The following DIP2C variants were observed in gnomAD, a reference collection of about 807,000 sequenced individuals.
DIP2C encodes the protein disco-interacting protein 2 homolog C.
A neutral mutation model predicts 192.4 loss-of-function variants in DIP2C; 33 were observed. The ratio of observed to expected loss-of-function variants is 0.17; its 90% CI spans 0.13 to 0.23. The LOEUF is 0.23. Among genes scored for constraint, DIP2C ranks in the 10% least tolerant of loss-of-function variants. The probability of loss-of-function intolerance (pLI) is 1.00; values close to 1 mark genes in which losing one functional copy is unlikely to be tolerated. For missense variants in DIP2C, 1,537 were observed against 2,110.1 expected (o/e 0.73, Z 5.32); for synonymous variants, 979 against 864.1 (o/e 1.13, Z -2.33).
intron 1 of DIP2C, among the ~76,000 whole-genome samples, chr10:538,040 C>A (rs1227482848): frequency 1.3e-5 from 2 of 151,080 alleles, no homozygotes; most frequent in Non-Finnish European, 3.0e-5. Flanking sequence ...TCTGCTGCCT[C>A]GGCCTCCCAA....
In DIP2C at chr10:466,337, T is replaced by A. The variant is rs1250189708; in HGVS notation, c.268+6102A>T. ...GTGCTGGGAAAACTGGCTAGCCATA[T>A]GTAGAAAGCTGAAACTGGATCCCTT... On this transcript the variant is annotated intron_variant, in intron 3 of 36. Transcript: ENST00000280886. Among the ~76,000 whole-genome samples the A allele has an allele frequency of 3.5e-5, 5 of 140,908 alleles. 1 individual carries two copies. The Admixed American group carries it at 3.7e-4, about 10-fold the overall frequency. 92.4% of individuals were successfully genotyped at this position (140,908 alleles called of 152,430 possible).
intron 32 of DIP2C, among the ~76,000 whole-genome samples, chr10:307,492 G>T (rs1322494744): frequency 6.6e-6 from 1 of 152,146 alleles, no homozygotes; most frequent in Non-Finnish European, 1.5e-5. Context: ...AAGGCCCCTG[G>T]GGCCACACTC....
intron 29 of DIP2C, among the ~76,000 whole-genome samples, chr10:336,236 T>C (rs1957762793): frequency 6.6e-6 from 1 of 152,058 alleles, no homozygotes. Flanking sequence ...ATCCCTGAGG[T>C]CCCAGGATAG....
chr10:378,974 T>C (rs1339178565), intron 17 of DIP2C, among the ~76,000 whole-genome samples: 3 of 152,220 alleles, frequency 2.0e-5, no homozygotes, highest in Non-Finnish European at 4.4e-5. Flanking sequence ...CGACTCATGT[T>C]TTTAAAGACT....
chr10:650,410 G>A, intron 1 of DIP2C: 1 of 714,982 alleles, frequency 1.4e-6, no homozygotes, highest in Non-Finnish European at 2.6e-6. Flanking sequence ...ACCAACACGA[G>A]AAGAACGCAG....
Position 661,103 on chromosome 10 carries a change from C to T in DIP2C, c.85+28391G>A, listed in dbSNP as rs556529847. On this transcript the variant is annotated intron_variant, in intron 1 of 36. Transcript: ENST00000280886. ...CACTAGAATTAGCCATTGACAGTAA[C>T]CCTGAGTCAACACGCACAGTGTTGG... Among the ~76,000 whole-genome samples the T allele has an allele frequency of 2.0e-5, 3 of 152,334 alleles. No individual in the cohort carries two copies. The East Asian group carries it at 5.8e-4, about 29-fold the overall frequency.
rs531724670 is a variant in DIP2C, at chr10:611,170, T to C, written c.85+78324A>G. Among the ~76,000 whole-genome samples the C allele has an allele frequency of 2.7e-5, 4 of 149,362 alleles. No individual in the cohort carries two copies. The South Asian group carries it at 8.9e-4, about 33-fold the overall frequency. ...TCATGATAGTTCTCATGAGATCTGG[T>C]TGTTTGAAAGTGCATGGCACCTTCC... On this transcript the variant is annotated intron_variant, in intron 1 of 36. Coordinates refer to ENST00000280886, the MANE Select transcript of DIP2C (RefSeq NM_014974.3).
At chr10:455,335 G>C (rs1426697380) in intron 3 of DIP2C, among the ~76,000 whole-genome samples, 1 of 142,632 alleles carries the variant, frequency 7.0e-6, no homozygotes, top group African/African-American at 2.6e-5. Flanking sequence ...AGACCGTGAG[G>C]AATAAATGAG....
intron 1 of DIP2C, among the ~76,000 whole-genome samples, chr10:617,417 A>C (rs1019404338): frequency 1.3e-5 from 2 of 152,104 alleles, no homozygotes; most frequent in African/African-American, 4.8e-5. Flanking sequence ...GTGGCTGTGG[A>C]GACTGAGACC....
At position 597,534 on chromosome 10, in the gene DIP2C, G is replaced by T. The variant is rs183253360; in HGVS notation, c.85+91960C>A. On this transcript the variant is annotated intron_variant, in intron 1 of 36. Coordinates refer to ENST00000280886, the MANE Select transcript of DIP2C (RefSeq NM_014974.3). ...AGAGGTGTGTGCCGAGGACACGCTG[G>T]GCAGCAGGGCTGGGCAGGAGTGCAC... is the stretch of plus-strand genomic sequence containing the variant. Among the ~76,000 whole-genome samples, 40 of 152,334 alleles carry T rather than the reference G, an allele frequency of 2.6e-4. 2 individuals are homozygous for T. The East Asian group carries it at 6.2e-3, about 23-fold the overall frequency.
At chr10:331,586 A>G (rs1036099532) in intron 29 of DIP2C, among the ~76,000 whole-genome samples, 1 of 152,252 alleles carries the variant, frequency 6.6e-6, no homozygotes, top group African/African-American at 2.4e-5. Context: ...TGTGTTAGGT[A>G]TTACAAGTAA....
intron 1 of DIP2C, among the ~76,000 whole-genome samples, chr10:571,640 G>T (rs1047376804): frequency 6.6e-6 from 1 of 152,086 alleles, no homozygotes; most frequent in South Asian, 2.1e-4. Context: ...TGTTTTTATT[G>T]CAATGATTAT....
chr10:685,317 C>T (rs1831292845), intron 1 of DIP2C, among the ~76,000 whole-genome samples: 1 of 151,822 alleles, frequency 6.6e-6, no homozygotes, highest in Admixed American at 6.6e-5. Flanking sequence ...CATTAGGCTG[C>T]ACTACTGTGG....
chr10:433,442 C>T (rs751803001), intron 4 of DIP2C, among the ~76,000 whole-genome samples: 7 of 151,848 alleles, frequency 4.6e-5, no homozygotes, highest in East Asian at 3.9e-4. Flanking sequence ...TTTAGGAGGC[C>T]GAGGCAGGAT....
At chr10:342,254 G>A (rs1345869503) in intron 28 of DIP2C, among the ~76,000 whole-genome samples, 3 of 152,184 alleles carry the variant, frequency 2.0e-5, no homozygotes, top group Non-Finnish European at 2.9e-5. Context: ...CGCCTCCCAG[G>A]TTCACACCAT....
chr10:567,380 T>C (rs1212968182), intron 1 of DIP2C, among the ~76,000 whole-genome samples: 1 of 152,070 alleles, frequency 6.6e-6, no homozygotes, highest in Admixed American at 6.6e-5. Context: ...TTAGTAGAGA[T>C]GGGGTTTTAC....
intron 34 of DIP2C, among the ~76,000 whole-genome samples, chr10:284,865 T>G (rs1955015830): frequency 1.3e-5 from 2 of 152,152 alleles, no homozygotes; most frequent in African/African-American, 4.8e-5. Flanking sequence ...ACTTTCTCAA[T>G]TAACCTCATA....
chr10:601,838 T>TCAGAG (rs972313442), intron 1 of DIP2C, among the ~76,000 whole-genome samples: 59 of 152,288 alleles, frequency 3.9e-4, no homozygotes, highest in African/African-American at 1.3e-3. Context: ...AGAGGTTTCC[T>TCAGAG]CAGAGGCTGC....
At chr10:400,386 G>T (rs556559006) in intron 9 of DIP2C, among the ~76,000 whole-genome samples, 1 of 152,280 alleles carries the variant, frequency 6.6e-6, no homozygotes, top group South Asian at 2.1e-4. Flanking sequence ...ATTTTCCTTC[G>T]ATGATAGAGT....
Sources: gnomAD v4.1 joint callset for allele counts (sites outside exome capture counted in the v4.1 genomes callset) on GRCh38, gnomAD v4.1.1 for gene constraint, MANE v1.5 for transcripts, NCBI Gene and HGNC (gene_info 2026-07-23, HGNC 2026-07-21) for gene names.